GABRA2: variants seen among roughly 807,000 people sequenced by gnomAD.
GABRA2 encodes the protein gamma-aminobutyric acid receptor subunit alpha-2.
A neutral mutation model predicts 48.7 loss-of-function variants in GABRA2; 16 were observed. That is an observed-to-expected ratio of 0.33 (90% CI 0.22 to 0.50). GABRA2 has a LOEUF of 0.50. GABRA2 is among the 20% of genes least tolerant of loss of function. The pLI is 0.98. For synonymous variants in GABRA2, 185 were observed against 184.5 expected, an observed-to-expected ratio of 1.00 and a Z score of -0.02; for missense variants, 275 against 535.6, an observed-to-expected ratio of 0.51 and a Z score of 4.80.
At chr4:46,389,263 T>C in intron 1 of GABRA2, 4 of 985,526 alleles carry the variant, frequency 4.1e-6, no homozygotes, top group Non-Finnish European at 3.6e-6. Flanking sequence ...TCTTCTTTTC[T>C]TCACTCCCCT....
Position 46,388,623 on chromosome 4 carries a change from A to G in GABRA2, c.71+13T>C. 2 of 1,613,954 alleles carry G rather than the reference A, an allele frequency of 1.2e-6. No homozygotes were observed. The highest frequency in any genetic ancestry group is 1.7e-6 in the Non-Finnish European group (2 of 1,179,904). ...CCCTGAATTAAAATAGTCAAATACA[A>G]TAAATATCTCACCTGGCAGGGTCCC... On this transcript the variant is annotated intron_variant, in intron 2 of 9. Coordinates refer to ENST00000381620, the MANE Select transcript of GABRA2 (RefSeq NM_000807.4).
Position 46,290,485 on chromosome 4 carries a change from T to G in GABRA2, c.856+12975A>C, listed in dbSNP as rs1320188818. On this transcript the variant is annotated intron_variant, in intron 8 of 9. Coordinates refer to ENST00000381620, the MANE Select transcript of GABRA2 (RefSeq NM_000807.4). Reference sequence around the variant, plus strand: ...GTTTTCAGTGGACAAGTCTTTCACCTTTTTGGTTAAATTTAGTTTTAGGAA... The same window carrying G: ...GTTTTCAGTGGACAAGTCTTTCACCGTTTTGGTTAAATTTAGTTTTAGGAA... Among the ~76,000 whole-genome samples the G allele has an allele frequency of 2.6e-5, 4 of 152,240 alleles. No individual in the cohort carries two copies. The East Asian group carries it at 7.7e-4, about 29-fold the overall frequency.
At chr4:46,253,734 T>C (rs2109391821) in intron 9 of GABRA2, among the ~76,000 whole-genome samples, 1 of 151,584 alleles carries the variant, frequency 6.6e-6, no homozygotes, top group Non-Finnish European at 1.5e-5. Context: ...ACCCAGTTGC[T>C]GGCACCTGTA....
intron 3 of GABRA2, among the ~76,000 whole-genome samples, chr4:46,358,921 T>C (rs1712672120): frequency 6.6e-6 from 1 of 152,188 alleles, no homozygotes; most frequent in African/African-American, 2.4e-5. Flanking sequence ...ACATAAGGAA[T>C]GATGAATTAC....
intron 3 of GABRA2, among the ~76,000 whole-genome samples, chr4:46,379,065 G>A (rs1277693645): frequency 3.9e-5 from 6 of 152,122 alleles, no homozygotes; most frequent in Admixed American, 3.9e-4. Flanking sequence ...TATTTCCTAA[G>A]AAGCCTATCT....
At chr4:46,301,172 G>A (rs1196241481) in intron 8 of GABRA2, among the ~76,000 whole-genome samples, 2 of 152,034 alleles carry the variant, frequency 1.3e-5, no homozygotes, top group Non-Finnish European at 2.9e-5. Flanking sequence ...TAAAGAAGGT[G>A]GGAAAAAATT....
At chr4:46,369,427 G>A (rs931932413) in intron 3 of GABRA2, among the ~76,000 whole-genome samples, 1 of 152,118 alleles carries the variant, frequency 6.6e-6, no homozygotes, top group Admixed American at 6.6e-5. Context: ...AGAGGATGGA[G>A]ATTAGAAGCA....
chr4:46,380,430 C>T (rs370828261), intron 3 of GABRA2, among the ~76,000 whole-genome samples: 13 of 152,040 alleles, frequency 8.6e-5, no homozygotes, highest in Admixed American at 3.9e-4. Context: ...AAATTAAATG[C>T]GACATGGGTT....
At chr4:46,326,572 C>T (rs1424544825) in intron 4 of GABRA2, among the ~76,000 whole-genome samples, 1 of 151,518 alleles carries the variant, frequency 6.6e-6, no homozygotes, top group Non-Finnish European at 1.5e-5. Flanking sequence ...GACAGATACC[C>T]ACATTTGCTC....
At chr4:46,273,502 C>CATATATATATAT (rs71637683) in intron 8 of GABRA2, among the ~76,000 whole-genome samples, 23 of 48,124 alleles carry the variant, frequency 4.8e-4, no homozygotes, top group South Asian at 2.0e-3. Flanking sequence ...TATATATATG[C>CATATATATATAT]ATATATATAT....
intron 3 of GABRA2, among the ~76,000 whole-genome samples, chr4:46,344,556 T>G (rs1318856848): frequency 6.6e-6 from 1 of 151,796 alleles, no homozygotes; most frequent in African/African-American, 2.4e-5. Flanking sequence ...AGGCAGAAGA[T>G]AGTTGAACAT....
Position 46,245,283 on chromosome 4 carries a change from G to T in GABRA2, c.*5025C>A, listed in dbSNP as rs531144766. ...GTAAGGTATGAAACAAATCAGTAAT[G>T]AATATACATAACTTTGTATTTGTAA... is the stretch of plus-strand genomic sequence containing the variant. On this transcript the variant is annotated 3_prime_UTR_variant, in exon 10 of 10. Transcript: ENST00000381620. Among the ~76,000 whole-genome samples the T allele has an allele frequency of 8.6e-5, 13 of 151,316 alleles. No individual in the cohort carries two copies. The South Asian group carries it at 2.7e-3, about 31-fold the overall frequency.
At chr4:46,264,296 C>T (rs1167262127) in intron 8 of GABRA2, among the ~76,000 whole-genome samples, 2 of 151,972 alleles carry the variant, frequency 1.3e-5, no homozygotes, top group African/African-American at 4.8e-5. Flanking sequence ...CCTTTCCAAT[C>T]TGTATATTTT....
chr4:46,268,000 A>C (rs958309182), intron 8 of GABRA2, among the ~76,000 whole-genome samples: 1 of 152,014 alleles, frequency 6.6e-6, no homozygotes, highest in Non-Finnish European at 1.5e-5. Context: ...TCTTGTCCCA[A>C]GCATTTTGGA....
chr4:46,380,104 C>A (rs1274775608), intron 3 of GABRA2, among the ~76,000 whole-genome samples: 1 of 152,128 alleles, frequency 6.6e-6, no homozygotes, highest in East Asian at 1.9e-4. Flanking sequence ...ACTATGCTTT[C>A]AATTTTATAA....
chr4:46,251,594 T>C (rs1230318979), intron 9 of GABRA2, among the ~76,000 whole-genome samples: 1 of 151,472 alleles, frequency 6.6e-6, no homozygotes, highest in Non-Finnish European at 1.5e-5. Context: ...TTCTTTCTCT[T>C]ATTTTGGTCT....
At chr4:46,301,153 CAATAAT>C (rs1054261780) in intron 8 of GABRA2, among the ~76,000 whole-genome samples, 1 of 151,946 alleles carries the variant, frequency 6.6e-6, no homozygotes, top group Non-Finnish European at 1.5e-5. Context: ...TCACTCAACT[CAATAAT>C]AATAAAGAAG....
chr4:46,372,932 A>T (rs761194338), intron 3 of GABRA2, among the ~76,000 whole-genome samples: 12 of 152,168 alleles, frequency 7.9e-5, no homozygotes, highest in Non-Finnish European at 1.2e-4. Flanking sequence ...AGTAACTTTC[A>T]TATCCACTCA....
chr4:46,326,346 G>A (rs957421758), intron 4 of GABRA2, among the ~76,000 whole-genome samples: 20 of 151,838 alleles, frequency 1.3e-4, no homozygotes, highest in African/African-American at 4.3e-4. Flanking sequence ...TTTACTATGC[G>A]CAAAACACAC....
Sources: gnomAD v4.1 joint callset for allele counts (sites outside exome capture counted in the v4.1 genomes callset) on GRCh38, gnomAD v4.1.1 for gene constraint, MANE v1.5 for transcripts, NCBI Gene and HGNC (gene_info 2026-07-23, HGNC 2026-07-21) for gene names.